The following OTUD7A variants were observed in gnomAD, a reference collection of about 807,000 sequenced individuals.
The protein encoded by OTUD7A is OTU deubiquitinase 7A.
OTUD7A carries 12 observed loss-of-function variants against 65.7 expected under a neutral mutation model. The ratio of observed to expected loss-of-function variants is 0.18; its 90% confidence interval spans 0.12 to 0.30. The LOEUF (loss-of-function observed/expected upper bound fraction) is 0.30, where lower values mean the gene tolerates loss of function less well. OTUD7A is among the 10% of genes least tolerant of loss of function. OTUD7A has a pLI of 1.00. For synonymous variants in OTUD7A, 641 were observed against 586.3 expected (o/e 1.09, Z -1.35); for missense variants, 1,148 against 1,304.8 (o/e 0.88, Z 1.85).
intron 3 of OTUD7A, among the ~76,000 whole-genome samples, chr15:31,628,414 A>G (rs1891033302): frequency 6.6e-6 from 1 of 152,040 alleles, no homozygotes; most frequent in Non-Finnish European, 1.5e-5. Flanking sequence ...GATATGTGGC[A>G]TTATTTCTGA....
At chr15:31,855,287 A>G (rs527845737) in intron 1 of OTUD7A, among the ~76,000 whole-genome samples, 1 of 152,364 alleles carries the variant, frequency 6.6e-6, no homozygotes, top group Admixed American at 6.5e-5. Flanking sequence ...CAAATTTCTC[A>G]TAACTCTGTG....
chr15:31,558,285 G>A (rs535433219), intron 5 of OTUD7A: 1 of 152,424 alleles, frequency 6.6e-6, no homozygotes, highest in South Asian at 2.1e-4. Context: ...CATTTGTTTT[G>A]GACTCATTAT....
At chr15:31,612,339 T>C (rs1209396991) in intron 3 of OTUD7A, among the ~76,000 whole-genome samples, 1 of 152,100 alleles carries the variant, frequency 6.6e-6, no homozygotes, top group African/African-American at 2.4e-5. Context: ...TCCAAATCGG[T>C]GATGAGGAAG....
At chr15:31,578,316 T>C (rs1000127517) in intron 3 of OTUD7A, among the ~76,000 whole-genome samples, 3 of 152,190 alleles carry the variant, frequency 2.0e-5, no homozygotes, top group African/African-American at 2.4e-5. Flanking sequence ...GCATTTAACA[T>C]CTAATTGGAC....
At chr15:31,514,355 T>C (rs376311756) in intron 8 of OTUD7A, among the ~76,000 whole-genome samples, 5 of 152,230 alleles carry the variant, frequency 3.3e-5, no homozygotes, top group African/African-American at 1.2e-4. Context: ...CCAGCTCCCA[T>C]CATTTCTTAG....
chr15:31,861,174 G>A (rs1339998484), intron 1 of OTUD7A, among the ~76,000 whole-genome samples: 1 of 152,052 alleles, frequency 6.6e-6, no homozygotes, highest in Non-Finnish European at 1.5e-5. Flanking sequence ...ATCAGAGTAG[G>A]CAGCTGCGGT....
chr15:31,868,036 C>T (rs1028765961), intron 1 of OTUD7A, among the ~76,000 whole-genome samples: 1 of 152,210 alleles, frequency 6.6e-6, no homozygotes, highest in Non-Finnish European at 1.5e-5. Context: ...CCCCTGCTGG[C>T]CCACAAGAGC....
intron 3 of OTUD7A, among the ~76,000 whole-genome samples, chr15:31,638,572 T>C (rs1174071014): frequency 2.6e-5 from 4 of 151,278 alleles, no homozygotes; most frequent in African/African-American, 9.7e-5. Flanking sequence ...GTTTTTTTTT[T>C]TTTCAATAGA....
intron 4 of OTUD7A, among the ~76,000 whole-genome samples, chr15:31,568,168 G>T (rs1046000602): frequency 9.9e-5 from 15 of 152,254 alleles, no homozygotes; most frequent in African/African-American, 3.1e-4. Context: ...CCTGCACCTG[G>T]AAAAGCTGAA....
At chr15:31,858,017 G>C (rs1897621653) in intron 1 of OTUD7A, among the ~76,000 whole-genome samples, 1 of 152,136 alleles carries the variant, frequency 6.6e-6, no homozygotes, top group African/African-American at 2.4e-5. Flanking sequence ...CAACACCTTG[G>C]GGACAAAAGT....
At chr15:31,659,539 T>C (rs1892097845) in intron 1 of OTUD7A, among the ~76,000 whole-genome samples, 2 of 152,292 alleles carry the variant, frequency 1.3e-5, no homozygotes, top group Non-Finnish European at 2.9e-5. Context: ...AAATAAAAAT[T>C]AGCGCAAAAA....
Position 31,481,387 on chromosome 15 carries a change from C to T in OTUD7A, c.*1907G>A, listed in dbSNP as rs1269138182. 4 of 152,136 alleles carry T rather than the reference C, an allele frequency of 2.6e-5. No homozygotes were observed. Among genetic ancestry groups the T allele is most frequent in the East Asian group, 3.8e-4 (2 of 5,196 alleles). 9.4% of individuals were successfully genotyped at this position (152,136 alleles called of 1,614,324 possible). A position where few individuals can be genotyped will look rare whatever the true frequency, so the allele number is the denominator to read the frequency against. ...GCCAAAGCAGCTGCTCAGCGTGACA[C>T]GAAGAATCAGTCCAGAAAGCTGCCA... On this transcript the variant is annotated 3_prime_UTR_variant, in exon 13 of 13. Coordinates refer to ENST00000307050, the MANE Select transcript of OTUD7A (RefSeq NM_001382637.1).
At chr15:31,486,342 A>G (rs933921843) in intron 12 of OTUD7A, among the ~76,000 whole-genome samples, 7 of 152,202 alleles carry the variant, frequency 4.6e-5, no homozygotes, top group Middle Eastern at 6.8e-3. Flanking sequence ...TGCCTCATGG[A>G]GCCCTGGGAG....
intron 1 of OTUD7A, among the ~76,000 whole-genome samples, chr15:31,817,450 T>C (rs1896579657): frequency 6.6e-6 from 1 of 152,146 alleles, no homozygotes; most frequent in Non-Finnish European, 1.5e-5. Flanking sequence ...TTCTGTTTTG[T>C]TGTGCTCCAT....
At chr15:31,519,482 G>A (rs2041910007) in intron 8 of OTUD7A, among the ~76,000 whole-genome samples, 1 of 152,168 alleles carries the variant, frequency 6.6e-6, no homozygotes, top group Non-Finnish European at 1.5e-5. Flanking sequence ...AACAAACTAG[G>A]CATAGAAAGA....
At position 31,500,647 on chromosome 15, in the gene OTUD7A, G is replaced by A. The variant is rs191771334; in HGVS notation, c.1171+1043C>T. Among the ~76,000 whole-genome samples, 378 of 152,358 alleles carry A rather than the reference G, an allele frequency of 2.5e-3. 2 individuals are homozygous for A. The highest frequency in any genetic ancestry group is 8.7e-3 in the African/African-American group (360 of 41,580). On this transcript the variant is annotated intron_variant, in intron 10 of 12. Coordinates refer to ENST00000307050, the MANE Select transcript of OTUD7A (RefSeq NM_001382637.1). ...TTCCTTCCCAGCTGTCTACAGGAAGGAGTAGCATTTGGGAGTCCTAGGGGT... is the reference window on the plus strand; with the variant it reads ...TTCCTTCCCAGCTGTCTACAGGAAGAAGTAGCATTTGGGAGTCCTAGGGGT...
chr15:31,529,690 A>G (rs1435078786), intron 6 of OTUD7A, among the ~76,000 whole-genome samples: 2 of 152,146 alleles, frequency 1.3e-5, no homozygotes, highest in Non-Finnish European at 2.9e-5. Flanking sequence ...ATTTCCCTTG[A>G]AGCCCTTTAC....
At chr15:31,566,720 G>T (rs1003000486) in intron 4 of OTUD7A, among the ~76,000 whole-genome samples, 1 of 152,168 alleles carries the variant, frequency 6.6e-6, no homozygotes, top group African/African-American at 2.4e-5. Context: ...GTGAGCTCTT[G>T]CTCAGTTCAC....
chr15:31,765,671 T>C (rs1895077246), intron 1 of OTUD7A: 4 of 737,820 alleles, frequency 5.4e-6, no homozygotes, highest in African/African-American at 5.3e-5. Flanking sequence ...AGACTTCCTT[T>C]TGAGTAGCTA....
Sources: gnomAD v4.1 joint callset for allele counts (sites outside exome capture counted in the v4.1 genomes callset) on GRCh38, gnomAD v4.1.1 for gene constraint, MANE v1.5 for transcripts, NCBI Gene and HGNC (gene_info 2026-07-23, HGNC 2026-07-21) for gene names.